The following FER variants were observed in gnomAD, a reference collection of about 807,000 sequenced individuals.
FER encodes the protein tyrosine-protein kinase Fer.
A neutral mutation model predicts 111.0 loss-of-function variants in FER; 63 were observed. The ratio of observed to expected loss-of-function variants is 0.57; its 90% confidence interval spans 0.46 to 0.70. The LOEUF (loss-of-function observed/expected upper bound fraction) is 0.70. Ranked by LOEUF, FER falls within the 30% of genes least tolerant of loss-of-function variation. The pLI, the probability that FER is intolerant of heterozygous loss-of-function variation, is 0.00. For synonymous variants in FER, 327 were observed against 313.9 expected (o/e 1.04, Z -0.44); for missense variants, 914 against 954.0 (o/e 0.96, Z 0.55).
intron 18 of FER, among the ~76,000 whole-genome samples, chr5:109,182,653 T>C (rs950215618): frequency 9.9e-5 from 15 of 152,244 alleles, no homozygotes; most frequent in Admixed American, 3.9e-4. Context: ...CTCTGTGTTA[T>C]ATAGCCTTTA....
At chr5:108,901,653 A>T (rs1474576981) in intron 10 of FER, among the ~76,000 whole-genome samples, 2 of 152,198 alleles carry the variant, frequency 1.3e-5, no homozygotes, top group Non-Finnish European at 2.9e-5. Context: ...AATATTATTT[A>T]AAAAATAATT....
At chr5:108,837,847 A>T (rs1415631212) in intron 5 of FER, among the ~76,000 whole-genome samples, 1 of 152,162 alleles carries the variant, frequency 6.6e-6, no homozygotes. Flanking sequence ...TGAAGATCAT[A>T]CTTGTAATAA....
chr5:108,934,245 C>G (rs1180342142), intron 10 of FER, among the ~76,000 whole-genome samples: 1 of 152,068 alleles, frequency 6.6e-6, no homozygotes, highest in African/African-American at 2.4e-5. Flanking sequence ...ACTTTGTTAT[C>G]TTTTCTGTGC....
intron 13 of FER, among the ~76,000 whole-genome samples, chr5:108,997,403 C>A (rs763827776): frequency 3.8e-5 from 5 of 130,968 alleles, no homozygotes; most frequent in South Asian, 2.5e-4. Context: ...GGTGGTGGAG[C>A]GAGACCCTGT....
intron 9 of FER, among the ~76,000 whole-genome samples, chr5:108,888,254 G>A (rs566089226): frequency 6.6e-6 from 1 of 152,022 alleles, no homozygotes; most frequent in East Asian, 1.9e-4. Flanking sequence ...TATGTAAATA[G>A]GGAATTCATT....
intron 11 of FER, among the ~76,000 whole-genome samples, chr5:108,948,983 T>C (rs1757373390): frequency 6.6e-6 from 1 of 152,164 alleles, no homozygotes; most frequent in Non-Finnish European, 1.5e-5. Flanking sequence ...TACACTCTGT[T>C]GACATGGGTG....
intron 13 of FER, among the ~76,000 whole-genome samples, chr5:108,961,205 A>T (rs2149672883): frequency 6.6e-6 from 1 of 152,348 alleles, no homozygotes; most frequent in South Asian, 2.1e-4. Flanking sequence ...GATTAGGTTA[A>T]CAAAATATAC....
chr5:109,073,132 A>G (rs142334966), intron 16 of FER, among the ~76,000 whole-genome samples: 1,816 of 152,296 alleles, frequency 0.012, 18 homozygotes, highest in Non-Finnish European at 0.02. Flanking sequence ...CCAGGTAGAC[A>G]TAAATTTTGG....
intron 13 of FER, among the ~76,000 whole-genome samples, chr5:109,013,759 T>C (rs1184140948): frequency 6.6e-6 from 1 of 151,124 alleles, no homozygotes; most frequent in Non-Finnish European, 1.5e-5. Context: ...TCCTGACTTT[T>C]TAATGATTGC....
At chr5:109,077,276 C>A (rs1299094305) in intron 16 of FER, among the ~76,000 whole-genome samples, 2 of 152,088 alleles carry the variant, frequency 1.3e-5, no homozygotes, top group African/African-American at 4.8e-5. Context: ...ACATGAGCAA[C>A]CGTAATGAAA....
intron 5 of FER, among the ~76,000 whole-genome samples, chr5:108,840,864 G>C (rs1761191192): frequency 6.6e-6 from 1 of 152,082 alleles, no homozygotes; most frequent in Non-Finnish European, 1.5e-5. Flanking sequence ...CATGTAATTG[G>C]TAAGTAACTG....
chr5:108,802,187 A>G (rs1427367842), intron 3 of FER, among the ~76,000 whole-genome samples: 1 of 151,928 alleles, frequency 6.6e-6, no homozygotes, highest in African/African-American at 2.4e-5. Flanking sequence ...AATGTTGTGC[A>G]TCTCCTTACA....
chr5:108,856,557 C>T (rs1291079719), intron 5 of FER, among the ~76,000 whole-genome samples: 1 of 152,148 alleles, frequency 6.6e-6, no homozygotes, highest in African/African-American at 2.4e-5. Flanking sequence ...TTGATACAGT[C>T]ATATCCTAAC....
At chr5:108,871,682 GTA>G (rs1477535059) in intron 7 of FER, among the ~76,000 whole-genome samples, 180 bp downstream of exon 7, 1 of 151,778 alleles carries the variant, frequency 6.6e-6, no homozygotes, top group African/African-American at 2.4e-5. Flanking sequence ...ACTATATAAT[GTA>G]TAGTTTTTGA....
chr5:109,176,939 G>C (rs1757764526), intron 17 of FER, among the ~76,000 whole-genome samples: 1 of 152,118 alleles, frequency 6.6e-6, no homozygotes, highest in African/African-American at 2.4e-5. Context: ...ATTAAAGTCA[G>C]GTTTGTAAAC....
intron 5 of FER, among the ~76,000 whole-genome samples, chr5:108,845,041 CAT>C (rs1232663960): frequency 0.06 from 2,772 of 46,164 alleles, 103 homozygotes; most frequent in East Asian, 0.08. Flanking sequence ...TATATATATA[CAT>C]ATATATATAT....
At chr5:109,002,261 G>T (rs1764883961) in intron 13 of FER, among the ~76,000 whole-genome samples, 1 of 152,004 alleles carries the variant, frequency 6.6e-6, no homozygotes, top group Non-Finnish European at 1.5e-5. Flanking sequence ...CATGGGACTG[G>T]TACCAAAGCG....
intron 5 of FER, among the ~76,000 whole-genome samples, chr5:108,866,637 T>C (rs1347991619): frequency 1.3e-5 from 2 of 151,358 alleles, no homozygotes; most frequent in African/African-American, 2.4e-5. Context: ...TGAATCTCAA[T>C]GCAATGAAAT....
At chr5:109,128,795 TA>T (rs1296211277) in intron 17 of FER, among the ~76,000 whole-genome samples, 2 of 152,124 alleles carry the variant, frequency 1.3e-5, no homozygotes, top group Non-Finnish European at 2.9e-5. Context: ...TTTCAAAACT[TA>T]AAGTTTTTGT....
Sources: gnomAD v4.1 joint callset for allele counts (sites outside exome capture counted in the v4.1 genomes callset) on GRCh38, gnomAD v4.1.1 for gene constraint, MANE v1.5 for transcripts, NCBI Gene and HGNC (gene_info 2026-07-23, HGNC 2026-07-21) for gene names.